The following FBN2 variants were observed in gnomAD, a reference collection of about 807,000 sequenced individuals.
FBN2 encodes fibrillin-2.
In FBN2, 105 loss-of-function variants were observed where a neutral mutation model predicts 355.6. That is an observed-to-expected ratio of 0.30 (90% CI 0.25 to 0.35). The LOEUF (loss-of-function observed/expected upper bound fraction) is 0.35. Ranked by LOEUF, FBN2 falls within the 10% of genes least tolerant of loss-of-function variation. FBN2 has a pLI of 1.00. For synonymous variants in FBN2, 1,350 were observed against 1,301.2 expected, an observed-to-expected ratio of 1.04 and a Z score of -0.81; for missense variants, 3,280 against 3,758.7, an observed-to-expected ratio of 0.87 and a Z score of 3.33.
intron 59 of FBN2, among the ~76,000 whole-genome samples, 165 bp downstream of exon 59, chr5:128,275,873 C>T (rs56388389): frequency 1.3e-5 from 2 of 152,134 alleles, no homozygotes; most frequent in East Asian, 3.8e-4. Flanking sequence ...CTGCTTCCTG[C>T]AATGAGCATA....
chr5:128,305,569 A>G lies in FBN2; in HGVS notation c.5616T>C (p.Gly1872=). Residue 1872 remains glycine, a synonymous_variant, in exon 44 of 65, where the codon GGT becomes GGC. Coordinates refer to ENST00000262464, the MANE Select transcript of FBN2 (RefSeq NM_001999.4). The stretch of plus-strand genomic sequence containing the variant: ...CCGCGGCACATTCACAGCGGTAACT[A>G]CCAGGACTATTGATGCAGTCTGCAT... ...QRNADCINSP[G]SYRCECAAGF... is the part of the protein sequence containing the mutation. 1 of 1,613,994 alleles carries G rather than the reference A, an allele frequency of 6.2e-7. No individual in the cohort carries two copies. Among genetic ancestry groups the G allele is most frequent in the Non-Finnish European group, 8.5e-7 (1 of 1,179,946 alleles).
At chr5:128,494,841 G>A (rs982391506) in intron 5 of FBN2, among the ~76,000 whole-genome samples, 1 of 152,106 alleles carries the variant, frequency 6.6e-6, no homozygotes, top group African/African-American at 2.4e-5. Flanking sequence ...AAAAGGTGCT[G>A]CAGTATCTTA....
At chr5:128,536,547 T>A (rs1301708459) in intron 1 of FBN2, 63 bp from the exon 2 acceptor site, 2 of 1,193,432 alleles carry the variant, frequency 1.7e-6, no homozygotes, top group East Asian at 4.8e-5. Context: ...ATATAAACGG[T>A]CTTCGTAAGC....
At chr5:128,524,082 T>C (rs1339793655) in intron 4 of FBN2, among the ~76,000 whole-genome samples, 2 of 152,122 alleles carry the variant, frequency 1.3e-5, no homozygotes, top group African/African-American at 2.4e-5. Context: ...CAAGGCCCTA[T>C]ACCTCCCTCT....
intron 45 of FBN2, among the ~76,000 whole-genome samples, 169 bp from the exon 46 acceptor site, chr5:128,303,258 A>G (rs577676802): frequency 6.6e-6 from 1 of 152,362 alleles, no homozygotes; most frequent in African/African-American, 2.4e-5. Context: ...AATCAAAATT[A>G]CAAGAATCAA....
At chr5:128,301,351 C>A in intron 47 of FBN2, 31 bp downstream of exon 47, 12 of 1,600,788 alleles carry the variant, frequency 7.5e-6, no homozygotes, top group Non-Finnish European at 1.0e-5. Flanking sequence ...AACATAACAC[C>A]ACAAAGACTG....
intron 5 of FBN2, among the ~76,000 whole-genome samples, chr5:128,517,339 A>G (rs533702721): frequency 2.0e-5 from 3 of 152,332 alleles, no homozygotes; most frequent in African/African-American, 4.8e-5. Flanking sequence ...AATTATGATT[A>G]TGTTTGAAAT....
intron 5 of FBN2, among the ~76,000 whole-genome samples, chr5:128,517,729 T>C (rs1756318848): frequency 6.6e-6 from 1 of 152,210 alleles, no homozygotes; most frequent in Non-Finnish European, 1.5e-5. Context: ...GGGTAATGAG[T>C]ATAATTTTTA....
At chr5:128,301,329 A>G (rs1045771415) in intron 47 of FBN2, 53 bp downstream of exon 47, 7 of 1,495,558 alleles carry the variant, frequency 4.7e-6, no homozygotes, top group African/African-American at 1.4e-5. Context: ...GGCACATATC[A>G]TCATTTTACA....
intron 43 of FBN2, 33 bp downstream of exon 43, chr5:128,305,790 T>C: frequency 1.2e-6 from 2 of 1,612,020 alleles, no homozygotes; most frequent in Non-Finnish European, 1.7e-6. Context: ...TACCAAATTA[T>C]ACTGGATAAA....
intron 7 of FBN2, among the ~76,000 whole-genome samples, chr5:128,419,542 T>C (rs1458168203): frequency 6.6e-6 from 1 of 152,170 alleles, no homozygotes; most frequent in Non-Finnish European, 1.5e-5. Context: ...TACAAGGGTA[T>C]TGGCTTTTTT....
At position 128,289,543 on chromosome 5, in the gene FBN2, G is replaced by A. The variant is rs544723312; in HGVS notation, c.6512-291C>T. Among the ~76,000 whole-genome samples, 18 of 152,012 alleles carry A rather than the reference G, an allele frequency of 1.2e-4. No homozygotes were observed. In the South Asian group the frequency reaches 1.5e-3, roughly 12 times the overall value. ...AGTGGAGGTTGCAGTCAGCTGGATC[G>A]CACCACTGCATTCCAGCGGGCAACA... On this transcript the variant is annotated intron_variant, in intron 51 of 64. Coordinates refer to ENST00000262464, the MANE Select transcript of FBN2 (RefSeq NM_001999.4).
At chr5:128,264,513 T>C (rs1765067333) in intron 62 of FBN2, among the ~76,000 whole-genome samples, 2 of 152,226 alleles carry the variant, frequency 1.3e-5, no homozygotes, top group Non-Finnish European at 2.9e-5. Context: ...GTTACTATTA[T>C]CATTTTTACA....
At chr5:128,399,665 A>G (rs1752744356) in intron 8 of FBN2, among the ~76,000 whole-genome samples, 1 of 152,196 alleles carries the variant, frequency 6.6e-6, no homozygotes, top group African/African-American at 2.4e-5. Flanking sequence ...GCAATATACT[A>G]GATTTTAAAA....
At chr5:128,310,394 ATATATATATTTTTTTTTT>A (rs1172844274) in intron 39 of FBN2, among the ~76,000 whole-genome samples, 415 of 20,344 alleles carry the variant, frequency 0.02, 6 homozygotes, top group African/African-American at 0.033. Context: ...ATATATATAT[ATATATATATTTTTTTTTT>A]TTTTTTTTTA....
At chr5:128,511,021 G>A (rs1756114792) in intron 5 of FBN2, among the ~76,000 whole-genome samples, 1 of 152,078 alleles carries the variant, frequency 6.6e-6, no homozygotes, top group South Asian at 2.1e-4. Context: ...ATTTTGGGTT[G>A]TTAAAAATAT....
At chr5:128,323,747 AT>A (rs1158985987) in intron 34 of FBN2, among the ~76,000 whole-genome samples, 1 of 152,116 alleles carries the variant, frequency 6.6e-6, no homozygotes, top group African/African-American at 2.4e-5. Context: ...TTGGCTTGAA[AT>A]TTTATTTTTT....
At chr5:128,509,288 T>C (rs1756047661) in intron 5 of FBN2, among the ~76,000 whole-genome samples, 2 of 152,190 alleles carry the variant, frequency 1.3e-5, no homozygotes, top group South Asian at 4.1e-4. Context: ...CCTTTTTTTC[T>C]TTGTGCTTTA....
chr5:128,522,370 C>T (rs1021778112), intron 4 of FBN2, among the ~76,000 whole-genome samples: 1 of 152,262 alleles, frequency 6.6e-6, no homozygotes, highest in Admixed American at 6.5e-5. Flanking sequence ...AAATAATGAG[C>T]TCTGCTGTCC....
Sources: allele counts gnomAD v4.1 joint callset (sites outside exome capture counted in the v4.1 genomes callset), GRCh38; gene constraint gnomAD v4.1.1; transcripts MANE v1.5; gene names NCBI Gene and HGNC (gene_info 2026-07-23, HGNC 2026-07-21).